The following FIG4 variants were observed in gnomAD, a reference collection of about 807,000 sequenced individuals.
FIG4 encodes the protein polyphosphoinositide phosphatase.
A neutral mutation model predicts 118.6 loss-of-function variants in FIG4; 112 were observed. That is an observed-to-expected ratio of 0.94 (90% CI 0.81 to 1.11). FIG4 has a LOEUF of 1.11. Among genes scored for constraint, FIG4 ranks in the 50% least tolerant of loss-of-function variants. The pLI is 0.00. For synonymous variants in FIG4, 369 were observed against 381.2 expected, an observed-to-expected ratio of 0.97 and a Z score of 0.37; for missense variants, 969 against 1,111.7, an observed-to-expected ratio of 0.87 and a Z score of 1.83.
At chr6:109,745,901 C>CAGAA (rs1562658298) in intron 10 of FIG4, among the ~76,000 whole-genome samples, 1 of 152,086 alleles carries the variant, frequency 6.6e-6, no homozygotes, top group Non-Finnish European at 1.5e-5. Context: ...GAAAAAGCTA[C>CAGAA]TTTAAATTTC....
chr6:109,759,363 C>G (rs1378142842), intron 10 of FIG4, among the ~76,000 whole-genome samples: 1 of 151,904 alleles, frequency 6.6e-6, no homozygotes, highest in Non-Finnish European at 1.5e-5. Context: ...ATGTGTATAC[C>G]TATGTAACAA....
chr6:109,799,380 G>A (rs113308897), intron 22 of FIG4, among the ~76,000 whole-genome samples: 2 of 152,184 alleles, frequency 1.3e-5, no homozygotes, highest in Non-Finnish European at 2.9e-5. Flanking sequence ...GTGTGTGCAC[G>A]CACGTGTGCA....
chr6:109,744,417 G>T (rs545339564), intron 10 of FIG4, among the ~76,000 whole-genome samples: 1 of 152,134 alleles, frequency 6.6e-6, no homozygotes, highest in African/African-American at 2.4e-5. Context: ...ATCTGCATCT[G>T]TTGCAGCCAA....
chr6:109,755,187 G>T (rs1297805881), intron 10 of FIG4, among the ~76,000 whole-genome samples: 2 of 152,038 alleles, frequency 1.3e-5, no homozygotes, highest in East Asian at 1.9e-4. Context: ...CCTTCATTTC[G>T]TTATGTACCC....
intron 4 of FIG4, among the ~76,000 whole-genome samples, chr6:109,730,669 A>C (rs767805973): frequency 1.3e-5 from 2 of 152,170 alleles, no homozygotes; most frequent in Non-Finnish European, 2.9e-5. Context: ...TGAGCATTAC[A>C]AGTCATTGGG....
intron 3 of FIG4, among the ~76,000 whole-genome samples, chr6:109,717,249 C>T (rs1163289913): frequency 6.6e-6 from 1 of 152,166 alleles, no homozygotes; most frequent in Admixed American, 6.5e-5. Context: ...TTCAAGGAAA[C>T]AGGACCCTTG....
At chr6:109,815,612 A>G (rs1467371346) in intron 22 of FIG4, among the ~76,000 whole-genome samples, 1 of 150,166 alleles carries the variant, frequency 6.7e-6, no homozygotes, top group Non-Finnish European at 1.5e-5. Flanking sequence ...GGGCTCTAGG[A>G]CTGGCCTGTG....
intron 22 of FIG4, among the ~76,000 whole-genome samples, chr6:109,819,528 G>T (rs767970653): frequency 1.2e-4 from 19 of 152,178 alleles, no homozygotes; most frequent in Non-Finnish European, 2.4e-4. Flanking sequence ...GAATGCAATG[G>T]CCTGATCTCG....
intron 3 of FIG4, 25 bp from the exon 4 acceptor site, chr6:109,727,084 T>G (rs775871250): frequency 1.3e-6 from 2 of 1,566,812 alleles, no homozygotes; most frequent in Admixed American, 3.3e-5. Context: ...ATAAAGCATA[T>G]TTCTCTTTAT....
At chr6:109,783,986 A>G (rs986486805) in intron 16 of FIG4, among the ~76,000 whole-genome samples, 5 of 152,214 alleles carry the variant, frequency 3.3e-5, no homozygotes, top group African/African-American at 9.6e-5. Context: ...CATCCCTAGG[A>G]GAGTTCCCTG....
chr6:109,812,062 A>G (rs2128400583), intron 22 of FIG4, among the ~76,000 whole-genome samples: 1 of 152,254 alleles, frequency 6.6e-6, no homozygotes, highest in South Asian at 2.1e-4. Flanking sequence ...TGTTCTCGTG[A>G]TAGTGAGTGA....
At chr6:109,743,556 G>T (rs1776390044) in intron 9 of FIG4, 119 bp from the exon 10 acceptor site, 1 of 771,976 alleles carries the variant, frequency 1.3e-6, no homozygotes, top group African/African-American at 1.7e-5. Context: ...AAGGATTTGG[G>T]AAGTGAAACT....
At position 109,763,839 on chromosome 6, in the gene FIG4, A is replaced by G. The variant is rs1044875134; in HGVS notation, c.1389-98A>G. 7.1e-6 allele frequency: 6 copies of G among 843,972 alleles called. No individual in the cohort carries two copies. The African/African-American group carries it at 1.0e-4, about 14-fold the overall frequency. 52.3% of individuals were successfully genotyped at this position (843,972 alleles called of 1,614,324 possible). A position where few individuals can be genotyped will look rare whatever the true frequency, so the allele number is the denominator to read the frequency against. ...TGATTTTTCAGGAGCCTTCAGCTCT[A>G]TTACTTTAATTCTATGATTCTTAAC... is the stretch of plus-strand genomic sequence containing the variant. On this transcript the variant is annotated intron_variant, in intron 12 of 22. Transcript: ENST00000230124.
intron 15 of FIG4, among the ~76,000 whole-genome samples, chr6:109,769,293 A>C (rs527976417): frequency 2.0e-5 from 3 of 152,190 alleles, no homozygotes; most frequent in Admixed American, 2.0e-4. Flanking sequence ...GTCCATGTTT[A>C]AAAAAGAAAG....
At chr6:109,699,572 G>T (rs1199308207) in intron 1 of FIG4, among the ~76,000 whole-genome samples, 1 of 147,440 alleles carries the variant, frequency 6.8e-6, no homozygotes, top group Non-Finnish European at 1.5e-5. Context: ...GCTCGATCTC[G>T]GCTCACTGCA....
Position 109,743,015 on chromosome 6 carries a change from T to A in FIG4, c.877-95T>A, listed in dbSNP as rs563034422. 30 of 1,104,638 alleles carry A rather than the reference T, an allele frequency of 2.7e-5. No individual in the cohort carries two copies. In the Admixed American group the frequency reaches 5.6e-4, roughly 21 times the overall value. 68.4% of individuals were successfully genotyped at this position (1,104,638 alleles called of 1,614,324 possible). The stretch of plus-strand genomic sequence containing the variant: ...CTTTCAAAGAATAGGAATTATAACT[T>A]CATTGAAAGAATAGGAATTATAACT... On this transcript the variant is annotated intron_variant, in intron 8 of 22. Coordinates refer to ENST00000230124, the MANE Select transcript of FIG4 (RefSeq NM_014845.6).
At position 109,777,034 on chromosome 6, in the gene FIG4, C is replaced by A. The variant is rs201744761; in HGVS notation, c.1863C>A (p.Thr621=). The part of the protein sequence containing the change: ...PTDFYLHHKN[T]MRLLPTRRSY... ...ATTTTTATTTGCATCACAAAAATACCATGAGACTTTTGCCAACAAGAAGAA... is the reference window on the plus strand; with the variant it reads ...ATTTTTATTTGCATCACAAAAATACAATGAGACTTTTGCCAACAAGAAGAA... Residue 621 remains threonine, a synonymous_variant, in exon 16 of 23, where the codon ACC becomes ACA. Transcript: ENST00000230124. 1.6e-4 allele frequency: 256 copies of A among 1,613,618 alleles called. No individual in the cohort carries two copies. Among genetic ancestry groups the A allele is most frequent in the Non-Finnish European group, 2.1e-4 (246 of 1,179,756 alleles).
At chr6:109,770,357 GTGTA>G (rs201600291) in intron 15 of FIG4, among the ~76,000 whole-genome samples, 1,976 of 152,194 alleles carry the variant, frequency 0.013, 53 homozygotes, top group African/African-American at 0.046. Flanking sequence ...GTGTGTGTGT[GTGTA>G]TATATATGCC....
intron 10 of FIG4, among the ~76,000 whole-genome samples, chr6:109,751,811 CTT>C (rs1032835598): frequency 2.5e-5 from 3 of 120,768 alleles, no homozygotes; most frequent in Admixed American, 1.6e-4. Flanking sequence ...CTCTTTTTTT[CTT>C]TTTTTTTTAA....
Sources: allele counts gnomAD v4.1 joint callset (sites outside exome capture counted in the v4.1 genomes callset), GRCh38; gene constraint gnomAD v4.1.1; transcripts MANE v1.5; gene names NCBI Gene and HGNC (gene_info 2026-07-23, HGNC 2026-07-21).